The following MYO16 variants were observed in gnomAD, a reference collection of about 807,000 sequenced individuals.
MYO16 encodes myosin XVI, also known as unconventional myosin-XVI.
MYO16 carries 94 observed loss-of-function variants against 205.3 expected under a neutral mutation model. The observed-to-expected ratio is 0.46, with a 90% CI of 0.39 to 0.54. The LOEUF is 0.54. Among genes scored for constraint, MYO16 ranks in the 20% least tolerant of loss-of-function variants. The pLI, the probability that MYO16 is intolerant of heterozygous loss-of-function variation, is 0.00. For missense variants in MYO16, 2,315 were observed against 2,387.5 expected (o/e 0.97, Z 0.63); for synonymous variants, 988 against 954.0 (o/e 1.04, Z -0.66).
intron 20 of MYO16, among the ~76,000 whole-genome samples, chr13:108,969,998 T>C (rs555696973): frequency 1.8e-4 from 27 of 152,344 alleles, no homozygotes; most frequent in African/African-American, 6.3e-4. Flanking sequence ...TAATGTAATA[T>C]TGAAAGGCTT....
At chr13:108,823,008 A>G (rs1247575986) in intron 8 of MYO16, 117 bp from the exon 9 acceptor site, 3 of 981,412 alleles carry the variant, frequency 3.1e-6, no homozygotes, top group Non-Finnish European at 4.4e-6. Flanking sequence ...TTTTGTTTTG[A>G]TTCATACATT....
rs1305193440 is a variant in MYO16 at position 109,107,011 on chromosome 13, G to A, written c.3438+6124G>A. ...GTCAGACACACAGATCCTTCTGGTG[G>A]CTTACTCAAGATTATAATACAGACA... On this transcript the variant is annotated intron_variant, in intron 28 of 34. Coordinates refer to ENST00000457511, the MANE Select transcript of MYO16 (RefSeq NM_001198950.3). Among the ~76,000 whole-genome samples, 6 of 152,110 alleles carry A rather than the reference G, an allele frequency of 3.9e-5. No homozygotes were observed. The East Asian group carries it at 1.2e-3, about 29-fold the overall frequency.
chr13:109,116,468 G>T (rs751244597), intron 28 of MYO16, among the ~76,000 whole-genome samples: 7 of 151,834 alleles, frequency 4.6e-5, no homozygotes, highest in Non-Finnish European at 1.0e-4. Context: ...ATCCCAATCC[G>T]TGGCTCCCAG....
chr13:109,128,165 T>C (rs765015866), intron 31 of MYO16, among the ~76,000 whole-genome samples: 1 of 152,240 alleles, frequency 6.6e-6, no homozygotes, highest in Non-Finnish European at 1.5e-5. Flanking sequence ...AAGTGCTTCT[T>C]AGCGGAACAC....
the MYO16 span, among the ~76,000 whole-genome samples, chr13:108,495,984 C>G: frequency 2.6e-5 from 4 of 152,130 alleles, no homozygotes; most frequent in African/African-American, 4.8e-5. Context: ...GCGGGGCAGC[C>G]TCTCCGAGTC....
At chr13:109,090,020 C>T (rs1888567424) in intron 27 of MYO16, among the ~76,000 whole-genome samples, 2 of 152,188 alleles carry the variant, frequency 1.3e-5, no homozygotes, top group Admixed American at 6.5e-5. Flanking sequence ...ATGGGAAAGA[C>T]GTTTGCAGCA....
At position 108,952,478 on chromosome 13, in the gene MYO16, G is replaced by T. The variant is rs554226513; in HGVS notation, c.1926-5210G>T. ...ATAATGGCTTCTTTTGTGAATTGTT[G>T]TGGAGACTAATGGAGGAAGTGCCTC... On this transcript the variant is annotated intron_variant, in intron 16 of 34. Transcript: ENST00000457511. 6.9e-4 allele frequency among the ~76,000 whole-genome samples: 105 copies of T among 152,276 alleles called. 1 individual carries two copies. Among genetic ancestry groups the T allele is most frequent in the Middle Eastern group, 3.4e-3 (1 of 294 alleles).
intron 4 of MYO16, among the ~76,000 whole-genome samples, chr13:108,762,457 G>A (rs553890540): frequency 2.6e-5 from 4 of 152,200 alleles, no homozygotes; most frequent in South Asian, 4.1e-4. Flanking sequence ...TTACCTTCCC[G>A]CCAACAAGGT....
At chr13:108,837,218 C>T (rs979068547) in intron 9 of MYO16, among the ~76,000 whole-genome samples, 2 of 152,104 alleles carry the variant, frequency 1.3e-5, no homozygotes, top group African/African-American at 4.8e-5. Context: ...CTGGCTTTTC[C>T]CCTGTTGGCA....
intron 4 of MYO16, among the ~76,000 whole-genome samples, chr13:108,730,913 A>G (rs1191832259): frequency 6.6e-6 from 1 of 152,152 alleles, no homozygotes; most frequent in Admixed American, 6.5e-5. Context: ...ATTTACTATT[A>G]AGATTACCAG....
intron 34 of MYO16, among the ~76,000 whole-genome samples, chr13:109,181,653 T>G (rs757422603): frequency 7.2e-5 from 11 of 152,040 alleles, no homozygotes; most frequent in Admixed American, 7.2e-4. Flanking sequence ...AAAGAGAAAA[T>G]AGAGTCAGTG....
intron 6 of MYO16, among the ~76,000 whole-genome samples, chr13:108,802,132 A>G (rs1396196391): frequency 6.6e-6 from 1 of 152,190 alleles, no homozygotes; most frequent in Non-Finnish European, 1.5e-5. Flanking sequence ...TTTAACATGT[A>G]TAATACATTT....
chr13:108,829,252 C>A (rs552513361), intron 9 of MYO16, among the ~76,000 whole-genome samples: 2 of 152,280 alleles, frequency 1.3e-5, no homozygotes, highest in South Asian at 4.1e-4. Flanking sequence ...TTCTTCATAA[C>A]TGAGTTAATA....
At chr13:108,534,206 A>G in the MYO16 span, among the ~76,000 whole-genome samples, 2 of 152,228 alleles carry the variant, frequency 1.3e-5, no homozygotes, top group Admixed American at 6.5e-5. Flanking sequence ...AATTCAGAAG[A>G]AAGCCTTCAA....
At chr13:108,498,122 C>G in the MYO16 span, among the ~76,000 whole-genome samples, 1 of 152,184 alleles carries the variant, frequency 6.6e-6, no homozygotes, top group African/African-American at 2.4e-5. Flanking sequence ...GAAAATGATA[C>G]TTTAAGCCTG....
intron 1 of MYO16, among the ~76,000 whole-genome samples, chr13:108,658,894 T>C (rs1469425913): frequency 6.6e-6 from 1 of 152,118 alleles, no homozygotes; most frequent in African/African-American, 2.4e-5. Flanking sequence ...TAAATGTACT[T>C]AGATCAAATT....
intron 20 of MYO16, among the ~76,000 whole-genome samples, chr13:108,986,630 A>G (rs1173660667): frequency 1.3e-5 from 2 of 151,504 alleles, no homozygotes; most frequent in South Asian, 4.2e-4. Context: ...CTCAAAAAAA[A>G]AAAAAAAAAA....
At chr13:109,020,147 C>A (rs1490686581) in intron 23 of MYO16, among the ~76,000 whole-genome samples, 1 of 152,228 alleles carries the variant, frequency 6.6e-6, no homozygotes, top group African/African-American at 2.4e-5. Flanking sequence ...AGAATTATAA[C>A]TTTATATGAG....
At chr13:108,959,976 GAA>G (rs112435583) in intron 17 of MYO16, among the ~76,000 whole-genome samples, 22 of 126,574 alleles carry the variant, frequency 1.7e-4, no homozygotes, top group Non-Finnish European at 2.7e-4. Context: ...TGATTTAAAG[GAA>G]AAAAAAAAAA....
Sources: allele counts gnomAD v4.1 joint callset (sites outside exome capture counted in the v4.1 genomes callset), GRCh38; gene constraint gnomAD v4.1.1; transcripts MANE v1.5; gene names NCBI Gene and HGNC (gene_info 2026-07-23, HGNC 2026-07-21).